The following TAMM41 variants were observed in gnomAD, a reference collection of about 807,000 sequenced individuals.
The protein encoded by TAMM41 is TAM41 mitochondrial translocator assembly and maintenance homolog, also known as phosphatidate cytidylyltransferase, mitochondrial.
A neutral mutation model predicts 44.1 loss-of-function variants in TAMM41; 36 were observed. That is an observed-to-expected ratio of 0.82 (90% CI 0.63 to 1.08). The LOEUF (loss-of-function observed/expected upper bound fraction) is 1.08, where lower values mean the gene tolerates loss of function less well. Among genes scored for constraint, TAMM41 ranks in the 50% least tolerant of loss-of-function variants. The probability of loss-of-function intolerance (pLI) is 0.00; values close to 1 mark genes in which losing one functional copy is unlikely to be tolerated. For synonymous variants in TAMM41, 164 were observed against 153.1 expected (o/e 1.07, Z -0.53); for missense variants, 417 against 404.3 (o/e 1.03, Z -0.27).
At chr3:11,724,030 C>T in the TAMM41 span, among the ~76,000 whole-genome samples, 1 of 151,420 alleles carries the variant, frequency 6.6e-6, no homozygotes, top group Non-Finnish European at 1.5e-5. Context: ...TCTATCTGCT[C>T]TTACATGTTT....
the TAMM41 span, among the ~76,000 whole-genome samples, chr3:11,729,978 C>T: frequency 5.9e-5 from 9 of 152,150 alleles, no homozygotes; most frequent in East Asian, 1.9e-4. Context: ...GACATTTGCA[C>T]GGGCAGTGCA....
chr3:11,824,717 C>T (rs1429065707), intron 4 of TAMM41, among the ~76,000 whole-genome samples: 1 of 152,196 alleles, frequency 6.6e-6, no homozygotes, highest in Non-Finnish European at 1.5e-5. Flanking sequence ...GCACCTAGTA[C>T]ATGTCACATA....
the TAMM41 span, among the ~76,000 whole-genome samples, chr3:11,748,122 G>A: frequency 6.7e-6 from 1 of 150,366 alleles, no homozygotes; most frequent in East Asian, 2.0e-4. Context: ...CAATCCACCT[G>A]CCTTAGCCTC....
chr3:11,821,113 A>G (rs1306257758), intron 4 of TAMM41, among the ~76,000 whole-genome samples: 6 of 152,236 alleles, frequency 3.9e-5, no homozygotes, highest in Non-Finnish European at 7.3e-5. Context: ...TTAGGGCAGC[A>G]GTCCCCAAAC....
At chr3:11,736,346 C>A in the TAMM41 span, among the ~76,000 whole-genome samples, 1 of 152,164 alleles carries the variant, frequency 6.6e-6, no homozygotes, top group Non-Finnish European at 1.5e-5. Flanking sequence ...CAAAACCAAT[C>A]ATGTGATTAG....
chr3:11,834,806 C>T (rs1453047910), intron 3 of TAMM41, among the ~76,000 whole-genome samples: 1 of 152,170 alleles, frequency 6.6e-6, no homozygotes. Flanking sequence ...CCTGCCTCAG[C>T]CTCCCTAGTA....
the TAMM41 span, among the ~76,000 whole-genome samples, chr3:11,773,049 C>T: frequency 7.2e-5 from 11 of 152,044 alleles, no homozygotes; most frequent in African/African-American, 9.7e-5. Context: ...CTTCGCCTCC[C>T]GGGTTCAAGC....
At chr3:11,812,868 G>T (rs1467915883) in intron 5 of TAMM41, among the ~76,000 whole-genome samples, 2 of 152,138 alleles carry the variant, frequency 1.3e-5, no homozygotes, top group African/African-American at 4.8e-5. Flanking sequence ...TAGATAAGCA[G>T]AAGTGATAGA....
intron 6 of TAMM41, 196 bp downstream of exon 6, chr3:11,809,321 G>A (rs2078015980): frequency 2.0e-5 from 12 of 601,986 alleles, no homozygotes; most frequent in Non-Finnish European, 3.1e-5. Flanking sequence ...AAAAACAGAA[G>A]TATTTTCACC....
chr3:11,789,598 G>A (rs1296625898), downstream of TAMM41, among the ~76,000 whole-genome samples: 2 of 152,244 alleles, frequency 1.3e-5, no homozygotes, highest in East Asian at 3.8e-4. Flanking sequence ...GCTCAGGCCT[G>A]AGCCTATCAG....
the TAMM41 span, among the ~76,000 whole-genome samples, chr3:11,760,698 C>A: frequency 1.3e-5 from 2 of 151,954 alleles, no homozygotes; most frequent in Non-Finnish European, 1.5e-5. Flanking sequence ...GAAGCTGGGA[C>A]TATAGGGGCC....
the TAMM41 span, among the ~76,000 whole-genome samples, chr3:11,769,081 G>T: frequency 8.5e-5 from 13 of 152,140 alleles, no homozygotes; most frequent in Admixed American, 8.5e-4. Context: ...ACCACGTCAT[G>T]AAGAGCCTCA....
chr3:11,736,644 G>A, the TAMM41 span, among the ~76,000 whole-genome samples: 1 of 152,154 alleles, frequency 6.6e-6, no homozygotes, highest in Non-Finnish European at 1.5e-5. Context: ...AGCGCACCCT[G>A]CTTCAGCAAT....
downstream of TAMM41, chr3:11,790,368 C>T: frequency 1.2e-6 from 1 of 811,056 alleles, no homozygotes; most frequent in Non-Finnish European, 2.1e-6. Context: ...CTGATGCATA[C>T]ATTTAAAAAA....
chr3:11,750,905 C>T, the TAMM41 span, among the ~76,000 whole-genome samples: 2 of 152,112 alleles, frequency 1.3e-5, no homozygotes, highest in Non-Finnish European at 1.5e-5. Context: ...GCCTCCATCC[C>T]TCTCTCCTTC....
intron 5 of TAMM41, among the ~76,000 whole-genome samples, chr3:11,816,708 G>T (rs2078291433): frequency 6.6e-6 from 1 of 152,252 alleles, no homozygotes; most frequent in South Asian, 2.1e-4. Context: ...GGGGTGTTGA[G>T]GCTGCAGTAA....
rs571939110 is a variant in TAMM41, at chr3:11,807,923, C to CA, written c.875-29dup. ...GCGAGAAAAAAACCAAAAAGGAGAC[C>CA]AAAAAAACCCAAAACAGATGTTAGT... On this transcript the variant is annotated intron_variant, in intron 6 of 7. Coordinates refer to ENST00000455809, the MANE Select transcript of TAMM41 (RefSeq NM_001284401.2). 2.3e-5 allele frequency: 34 copies of CA among 1,489,832 alleles called. 1 individual carries two copies. The highest frequency in any genetic ancestry group is 7.4e-5 in the East Asian group (3 of 40,418). 92.3% of individuals were successfully genotyped at this position (1,489,832 alleles called of 1,614,324 possible).
intron 3 of TAMM41, among the ~76,000 whole-genome samples, chr3:11,838,693 C>T (rs1026168398): frequency 6.8e-6 from 1 of 147,438 alleles, no homozygotes; most frequent in Non-Finnish European, 1.5e-5. Flanking sequence ...CAGAAGTTCT[C>T]AGAACCCCCT....
chr3:11,802,497 A>G (rs1319704393), intron 7 of TAMM41, among the ~76,000 whole-genome samples: 1 of 152,218 alleles, frequency 6.6e-6, no homozygotes, highest in Non-Finnish European at 1.5e-5. Context: ...AGATTGAACC[A>G]GGAAGAAACA....
Sources: gnomAD v4.1 joint callset for allele counts (sites outside exome capture counted in the v4.1 genomes callset) on GRCh38, gnomAD v4.1.1 for gene constraint, MANE v1.5 for transcripts, NCBI Gene and HGNC (gene_info 2026-07-23, HGNC 2026-07-21) for gene names.